The following SETBP1 variants were observed in gnomAD, a reference collection of about 807,000 sequenced individuals.
SETBP1 encodes SET-binding protein.
A neutral mutation model predicts 101.0 loss-of-function variants in SETBP1; 9 were observed. That is an observed-to-expected ratio of 0.09 (90% CI 0.05 to 0.16). The LOEUF (loss-of-function observed/expected upper bound fraction) is 0.16. Among genes scored for constraint, SETBP1 ranks in the 10% least tolerant of loss-of-function variants. SETBP1 has a pLI of 1.00. For synonymous variants in SETBP1, 818 were observed against 788.5 expected (o/e 1.04, Z -0.63); for missense variants, 1,858 against 2,033.8 (o/e 0.91, Z 1.66).
chr18:44,796,822 C>T (rs374275912), intron 2 of SETBP1, among the ~76,000 whole-genome samples: 6 of 152,172 alleles, frequency 3.9e-5, no homozygotes, highest in African/African-American at 7.2e-5. Context: ...CACACACACG[C>T]GCACACACAT....
At chr18:44,891,919 A>G (rs2069780428) in intron 3 of SETBP1, among the ~76,000 whole-genome samples, 1 of 152,002 alleles carries the variant, frequency 6.6e-6, no homozygotes, top group African/African-American at 2.4e-5. Flanking sequence ...ATTGCTTTTT[A>G]TTTTCTCAAA....
chr18:44,896,267 G>A (rs1009235243), intron 3 of SETBP1, among the ~76,000 whole-genome samples: 1 of 152,132 alleles, frequency 6.6e-6, no homozygotes, highest in Non-Finnish European at 1.5e-5. Flanking sequence ...AGGACTCTCT[G>A]ACAAAAGGAC....
chr18:44,900,748 CG>C (rs1349000229), intron 3 of SETBP1, among the ~76,000 whole-genome samples: 2 of 152,118 alleles, frequency 1.3e-5, no homozygotes, highest in Non-Finnish European at 2.9e-5. Flanking sequence ...CCAGCCCTCC[CG>C]GTGATTCTGA....
intron 2 of SETBP1, among the ~76,000 whole-genome samples, chr18:44,822,833 A>T (rs764905829): frequency 6.6e-6 from 1 of 152,232 alleles, no homozygotes; most frequent in African/African-American, 2.4e-5. Flanking sequence ...CAACAATTAC[A>T]GTTGTTTTCA....
At chr18:44,819,435 A>G (rs1230646543) in intron 2 of SETBP1, among the ~76,000 whole-genome samples, 2 of 152,106 alleles carry the variant, frequency 1.3e-5, no homozygotes, top group African/African-American at 4.8e-5. Context: ...TGTTTCCTTC[A>G]TTTGCAGACT....
chr18:44,917,425 A>G (rs1299820181), intron 3 of SETBP1, among the ~76,000 whole-genome samples: 1 of 151,972 alleles, frequency 6.6e-6, no homozygotes, highest in Non-Finnish European at 1.5e-5. Context: ...TACTTTCTTT[A>G]TTTGTTTATG....
At chr18:44,795,695 T>C (rs1599139009) in intron 2 of SETBP1, among the ~76,000 whole-genome samples, 1 of 152,336 alleles carries the variant, frequency 6.6e-6, no homozygotes, top group East Asian at 1.9e-4. Context: ...AACCCTCAAA[T>C]TTTGAACATT....
At chr18:44,779,666 G>A (rs1263993368) in intron 2 of SETBP1, among the ~76,000 whole-genome samples, 1 of 152,188 alleles carries the variant, frequency 6.6e-6, no homozygotes, top group Admixed American at 6.5e-5. Context: ...GCTAACTGTC[G>A]AAGACTTTGT....
intron 3 of SETBP1, among the ~76,000 whole-genome samples, chr18:44,884,843 T>TA (rs2069604822): frequency 6.6e-6 from 1 of 152,202 alleles, no homozygotes; most frequent in Admixed American, 6.5e-5. Context: ...CAGTTTGTCA[T>TA]GAGTTCAGTG....
At chr18:44,694,935 C>T (rs369712833) in intron 1 of SETBP1, among the ~76,000 whole-genome samples, 28 of 152,120 alleles carry the variant, frequency 1.8e-4, no homozygotes, top group African/African-American at 6.8e-4. Flanking sequence ...GAAACAAGGA[C>T]GGAGCATGCT....
intron 4 of SETBP1, among the ~76,000 whole-genome samples, chr18:45,024,625 C>T (rs1021720833): frequency 6.6e-6 from 1 of 152,306 alleles, no homozygotes; most frequent in African/African-American, 2.4e-5. Context: ...TATCTTAACT[C>T]GTCAGTCTTG....
chr18:44,852,081 T>C (rs1415729879), intron 2 of SETBP1, among the ~76,000 whole-genome samples: 1 of 152,198 alleles, frequency 6.6e-6, no homozygotes, highest in East Asian at 1.9e-4. Flanking sequence ...CACTTTTGAT[T>C]ACAAATGGAT....
Position 44,782,312 on chromosome 18 carries a change from CTT to C in SETBP1, c.486+80491_486+80492del, listed in dbSNP as rs34108781. Among the ~76,000 whole-genome samples, 239 of 149,718 alleles carry C rather than the reference CTT, an allele frequency of 1.6e-3. 1 individual carries two copies. The highest frequency in any genetic ancestry group is 4.9e-3 in the African/African-American group (202 of 40,910). ...GTATTTACAACATGTAAAATAAACT[CTT>C]TTTTTTTTTTCCAAAAAGAAATGTA... On this transcript the variant is annotated intron_variant, in intron 2 of 5. Coordinates refer to ENST00000649279, the MANE Select transcript of SETBP1 (RefSeq NM_015559.3).
intron 2 of SETBP1, among the ~76,000 whole-genome samples, chr18:44,788,448 A>G (rs188478725): frequency 1.6e-3 from 246 of 152,286 alleles, no homozygotes; most frequent in Middle Eastern, 6.8e-3. Context: ...TCTGTATTTT[A>G]TCTTGATGGG....
At position 45,016,731 on chromosome 18, in the gene SETBP1, GCACACACACACACA is replaced by G. The variant is rs60965207; in HGVS notation, c.4001-21731_4001-21718del. On this transcript the variant is annotated intron_variant, in intron 4 of 5. Coordinates refer to ENST00000649279, the MANE Select transcript of SETBP1 (RefSeq NM_015559.3). The stretch of plus-strand genomic sequence containing the variant: ...TGTGAGATTATACACATTGGTGCGC[GCACACACACACACA>G]CACACACACACACACACACACAGAG... 6.5e-5 allele frequency among the ~76,000 whole-genome samples: 8 copies of G among 122,752 alleles called. No homozygotes were observed. The East Asian group carries it at 1.3e-3, about 20-fold the overall frequency. 80.5% of individuals were successfully genotyped at this position (122,752 alleles called of 152,430 possible).
chr18:44,902,685 TA>T (rs572187643), intron 3 of SETBP1, among the ~76,000 whole-genome samples: 3 of 152,260 alleles, frequency 2.0e-5, no homozygotes, highest in East Asian at 1.9e-4. Context: ...TGTCTTTTTA[TA>T]AAAAAAGATG....
At chr18:44,848,362 C>T (rs2072770128) in intron 2 of SETBP1, among the ~76,000 whole-genome samples, 1 of 152,156 alleles carries the variant, frequency 6.6e-6, no homozygotes, top group Non-Finnish European at 1.5e-5. Flanking sequence ...CAGATTAGCA[C>T]ACCTGGGTCT....
At position 44,921,867 on chromosome 18, in the gene SETBP1, A is replaced by G. The variant is rs151184511; in HGVS notation, c.541-28014A>G. Among the ~76,000 whole-genome samples, 454 of 152,286 alleles carry G rather than the reference A, an allele frequency of 3.0e-3. 6 individuals carry two copies. The highest frequency in any genetic ancestry group is 0.01 in the African/African-American group (434 of 41,564). On this transcript the variant is annotated intron_variant, in intron 3 of 5. Transcript: ENST00000649279. ...TCCCAGCTGGAACAAGGCAAGCAAG[A>G]GTAACACAGCAAATGGCTTTCCAGG... is the stretch of plus-strand genomic sequence containing the variant.
chr18:44,696,947 T>C (rs1237045266), intron 1 of SETBP1, among the ~76,000 whole-genome samples: 1 of 152,188 alleles, frequency 6.6e-6, no homozygotes, highest in Non-Finnish European at 1.5e-5. Context: ...TCCTAAGCAA[T>C]TTTATCTTTC....
Sources: gnomAD v4.1 joint callset for allele counts (sites outside exome capture counted in the v4.1 genomes callset) on GRCh38, gnomAD v4.1.1 for gene constraint, MANE v1.5 for transcripts, NCBI Gene and HGNC (gene_info 2026-07-23, HGNC 2026-07-21) for gene names.